Variants in RIF1 observed in about 807,000 individuals in gnomAD.
The protein encoded by RIF1 is replication timing regulatory factor 1.
Under a neutral mutation model 247.1 loss-of-function variants are expected in RIF1, and 45 were observed. The ratio of observed to expected loss-of-function variants is 0.18; its 90% confidence interval spans 0.14 to 0.23. The LOEUF is 0.23. RIF1 is among the 10% of genes least tolerant of loss of function. RIF1 has a pLI of 1.00. For missense variants in RIF1, 2,967 were observed against 2,862.5 expected, an observed-to-expected ratio of 1.04 and a Z score of -0.83; for synonymous variants, 1,087 against 978.8, an observed-to-expected ratio of 1.11 and a Z score of -2.06.
At chr2:151,456,658 G>A in intron 23 of RIF1, 38 bp downstream of exon 23, 1 of 1,186,612 alleles carries the variant, frequency 8.4e-7, no homozygotes, top group East Asian at 2.4e-5. Flanking sequence ...ATACTTTCAT[G>A]ATGAGAAAAT....
In RIF1 at chr2:151,455,104, C is replaced by T; in HGVS notation, c.2554C>T (p.Arg852Ter). The part of the protein sequence containing the change: ...LGHISLPSMI[R>*]KIFATLTRPL... ...GCATATTTCTTTGCCTTCTATGATC[C>T]GAAAAATATTTGCAACTTTAACAAG... is the stretch of plus-strand genomic sequence containing the variant. Residue 852 changes from arginine (R) to a stop codon, truncating the protein, a stop_gained, in exon 22 of 36, where the codon CGA (arginine) becomes TGA (stop). Transcript: ENST00000444746. LOFTEE classifies it high-confidence loss of function. 6.2e-7 allele frequency: 1 copy of T among 1,612,490 alleles called. No homozygotes were observed. The highest frequency in any genetic ancestry group is 8.5e-7 in the Non-Finnish European group (1 of 1,179,290).
rs529271802 is a variant in RIF1 at position 151,478,594 on chromosome 2, G to A, written c.*3523G>A. The A allele has an allele frequency of 7.2e-5, 11 of 152,086 alleles. No individual in the cohort carries two copies. The highest frequency in any genetic ancestry group is 7.2e-4 in the Admixed American group (11 of 15,276). 9.4% of individuals were successfully genotyped at this position (152,086 alleles called of 1,614,324 possible). A position where few individuals can be genotyped will look rare whatever the true frequency, so the allele number is the denominator to read the frequency against. On this transcript the variant is annotated 3_prime_UTR_variant, in exon 36 of 36. Coordinates refer to ENST00000444746, the MANE Select transcript of RIF1 (RefSeq NM_018151.5). ...TTTAAACATCATAAAAATGTGAAGA[G>A]TAAGTGGTGAGGCAAGAAACAAAAT...
Position 151,465,774 on chromosome 2 carries a change from C to A in RIF1, c.6254C>A (p.Thr2085Asn), listed in dbSNP as rs774790966. 6 of 1,613,346 alleles carry A rather than the reference C, an allele frequency of 3.7e-6. No homozygotes were observed. The Admixed American group carries it at 8.3e-5, about 22-fold the overall frequency. ...TEEGIIDANK[T>N]ETNTEYSKSE... is the part of the protein sequence containing the mutation. ...GAAGGAATCATTGACGCTAATAAAA[C>A]TGAAACAAATACTGAGTATAGTAAA... The change falls in exon 30 of 36, where the codon ACT becomes AAT. Residue 2085 changes from threonine to asparagine, a missense_variant. Physicochemically the swap from Thr to Asn is moderately conservative, Grantham distance 65. Transcript: ENST00000444746.
At chr2:151,435,849 T>TGTGA (rs997997579) in intron 11 of RIF1, among the ~76,000 whole-genome samples, 29 of 152,038 alleles carry the variant, frequency 1.9e-4, no homozygotes, top group African/African-American at 6.5e-4. Context: ...CAGTACATTA[T>TGTGA]GTGAGGTGCC....
chr2:151,440,241 A>C (rs558513861), intron 15 of RIF1, 114 bp downstream of exon 15: 3 of 668,128 alleles, frequency 4.5e-6, no homozygotes, highest in Non-Finnish European at 7.9e-6. Flanking sequence ...TCAAGCATTC[A>C]TCAGCAGTTT....
At position 151,416,794 on chromosome 2, in the gene RIF1, G is replaced by GT. The variant is rs1687288114; in HGVS notation, c.409-11dup. The GT allele has an allele frequency of 6.2e-7, 1 of 1,603,830 alleles. No homozygotes were observed. On this transcript the variant is annotated splice_polypyrimidine_tract_variant and intron_variant, in intron 5 of 35. Transcript: ENST00000444746. ...GGCTTATTTCATTTGTATTTATTTGGTTCGTTTTTTAGGTATCCAGTATAA... is the reference window on the plus strand; with the variant it reads ...GGCTTATTTCATTTGTATTTATTTGGTTTCGTTTTTTAGGTATCCAGTATAA...
chr2:151,463,776 G>A lies in RIF1; in HGVS notation c.4256G>A (p.Arg1419Lys). 6.2e-7 allele frequency: 1 copy of A among 1,613,840 alleles called. No homozygotes were observed. Among genetic ancestry groups the A allele is most frequent in the Non-Finnish European group, 8.5e-7 (1 of 1,179,960 alleles). ...CAGAAAACCCTTAGACGGTCTTCAAGGCGACGTTCAGAAGTAGTAGAGTCT... is the reference window on the plus strand; with the variant it reads ...CAGAAAACCCTTAGACGGTCTTCAAAGCGACGTTCAGAAGTAGTAGAGTCT... ...PNQKTLRRSSRRRSEVVESTT... is the reference protein window; with the variant it reads ...PNQKTLRRSSKRRSEVVESTT... Residue 1419 changes from arginine (R) to lysine (K), a missense_variant, in exon 30 of 36, where the codon AGG becomes AAG. Coordinates refer to ENST00000444746, the MANE Select transcript of RIF1 (RefSeq NM_018151.5).
chr2:151,529,499 G>A, the RIF1 span, among the ~76,000 whole-genome samples: 1 of 151,976 alleles, frequency 6.6e-6, no homozygotes, highest in African/African-American at 2.4e-5. Context: ...CTCAGATCAG[G>A]GCACACTGAC....
chr2:151,459,055 T>C (rs964252841), intron 25 of RIF1, 145 bp downstream of exon 25: 4 of 546,158 alleles, frequency 7.3e-6, no homozygotes, highest in African/African-American at 3.9e-5. Flanking sequence ...GAAATTTCTT[T>C]TGTGATTTTT....
rs1192520771 is a variant in RIF1, at chr2:151,480,225, CAAGT to C, written c.*5158_*5161del. 1 of 152,078 alleles carries C rather than the reference CAAGT, an allele frequency of 6.6e-6. No individual in the cohort carries two copies. Among genetic ancestry groups the C allele is most frequent in the African/African-American group, 2.4e-5 (1 of 41,420 alleles). The allele number at this position is 152,078 out of a possible 1,614,324, so 9.4% of individuals were successfully genotyped here. ...ACAATATTTTCCATTGTTGATGTCACAAGTAAGAAAAAAACTCTAACTTTTGTAC... is the reference window on the plus strand; with the variant it reads ...ACAATATTTTCCATTGTTGATGTCACAAGAAAAAAACTCTAACTTTTGTAC... On this transcript the variant is annotated 3_prime_UTR_variant, in exon 36 of 36. Coordinates refer to ENST00000444746, the MANE Select transcript of RIF1 (RefSeq NM_018151.5).
intron 35 of RIF1, 37 bp from the exon 36 acceptor site, chr2:151,474,820 G>A (rs1187369581): frequency 1.7e-6 from 2 of 1,196,928 alleles, no homozygotes; most frequent in African/African-American, 3.0e-5. Context: ...TTTTTGTCTG[G>A]TATAGATTTA....
intron 13 of RIF1, among the ~76,000 whole-genome samples, chr2:151,438,281 C>A (rs981939463): frequency 6.6e-6 from 1 of 151,932 alleles, no homozygotes; most frequent in African/African-American, 2.4e-5. Flanking sequence ...ATGTTTGTGA[C>A]CAGCCTAGGA....
Position 151,463,199 on chromosome 2 carries a change from T to A in RIF1, c.3679T>A (p.Phe1227Ile). ...GCAAACCTTTATTACTTTGGAGAAG[T>A]TTGATGGTTCAGAAAATAGACCTTT... ...RRQTFITLEK[F>I]DGSENRPFSP... Residue 1227 changes from phenylalanine to isoleucine, a missense_variant, in exon 30 of 36, where the codon TTT becomes ATT. Phe to Ile is a conservative substitution (Grantham distance 21). Around this residue, in one of 7 missense-constraint regions of RIF1, gnomAD observed 2,028 missense variants for 1,825.6 expected, o/e 1.11. Coordinates refer to ENST00000444746, the MANE Select transcript of RIF1 (RefSeq NM_018151.5). The A allele has an allele frequency of 6.2e-7, 1 of 1,614,126 alleles. No homozygotes were observed.
chr2:151,458,097 A>G, intron 24 of RIF1, 134 bp downstream of exon 24: 1 of 585,606 alleles, frequency 1.7e-6, no homozygotes, highest in Non-Finnish European at 2.9e-6. Flanking sequence ...TACCATTTGG[A>G]ATACATGATA....
chr2:151,498,310 T>C lies in RIF1; in HGVS notation c.*514-1035T>C, dbSNP rs1458417602. 4.5e-6 allele frequency: 7 copies of C among 1,551,474 alleles called. No homozygotes were observed. In the South Asian group the frequency reaches 5.9e-5, roughly 13 times the overall value. On this transcript the variant is annotated intron_variant and NMD_transcript_variant, in intron 10 of 13. Coordinates refer to the RIF1 transcript ENST00000454583. ...TTGACTCTCTGCATCTCAGGAGTGA[T>C]GGGGATTGGAATTCCTGTCCCCAGG...
intron 10 of RIF1, chr2:151,497,893 T>TAGAG: frequency 6.7e-7 from 1 of 1,486,638 alleles, no homozygotes; most frequent in Admixed American, 2.8e-5. Context: ...CTGCACCCTC[T>TAGAG]AGAGAAGCAG....
chr2:151,420,929 G>A lies in RIF1; in HGVS notation c.693+550G>A, dbSNP rs185740880. ...ATTTTACTTCATTCCCAATAAATAGGAAATAGGAATTGTATTTCTGAAAGA... is the reference window on the plus strand; with the variant it reads ...ATTTTACTTCATTCCCAATAAATAGAAAATAGGAATTGTATTTCTGAAAGA... On this transcript the variant is annotated intron_variant, in intron 7 of 35. Coordinates refer to ENST00000444746, the MANE Select transcript of RIF1 (RefSeq NM_018151.5). 1.2e-3 allele frequency among the ~76,000 whole-genome samples: 176 copies of A among 152,228 alleles called. 3 individuals are homozygous for A. Among genetic ancestry groups the A allele is most frequent in the South Asian group, 7.5e-3 (36 of 4,826 alleles).
intron 24 of RIF1, 90 bp downstream of exon 24, chr2:151,458,053 G>T (rs1392390723): frequency 1.1e-5 from 10 of 904,350 alleles, no homozygotes; most frequent in Non-Finnish European, 1.4e-5. Context: ...TTTCTTATGG[G>T]GTATTGTTAC....
In RIF1 at chr2:151,478,521, T is replaced by G. The variant is rs1041354346; in HGVS notation, c.*3450T>G. The G allele has an allele frequency of 6.6e-5, 10 of 152,120 alleles. No homozygotes were observed. Among genetic ancestry groups the G allele is most frequent in the Non-Finnish European group, 1.5e-4 (10 of 68,040 alleles). The allele number at this position is 152,120 out of a possible 1,614,324, so 9.4% of individuals were successfully genotyped here. On this transcript the variant is annotated 3_prime_UTR_variant, in exon 36 of 36. Transcript: ENST00000444746. ...ATTCTAACATTGCCCATGGATTTTTTTTTTTCTGTACAGCTTGAAGATAAG... is the reference window on the plus strand; with the variant it reads ...ATTCTAACATTGCCCATGGATTTTTGTTTTTCTGTACAGCTTGAAGATAAG...
Sources: allele counts gnomAD v4.1 joint callset (sites outside exome capture counted in the v4.1 genomes callset), GRCh38; gene constraint gnomAD v4.1.1; regional missense constraint gnomAD v4.1.1; transcripts MANE v1.5; gene names NCBI Gene and HGNC (gene_info 2026-07-23, HGNC 2026-07-21).